C16orf54: variants seen among roughly 807,000 people sequenced by gnomAD.
The protein encoded by C16orf54 is chromosome 16 open reading frame 54, also known as transmembrane protein C16orf54.
Under a neutral mutation model 3.9 loss-of-function variants are expected in C16orf54, and 2 were observed. The ratio of observed to expected loss-of-function variants is 0.52; its 90% confidence interval spans 0.21 to 1.63. The LOEUF (loss-of-function observed/expected upper bound fraction) is 1.63. Ranked by LOEUF, C16orf54 falls within the 40% of genes most tolerant of loss-of-function variation. The pLI is 0.21. For synonymous variants in C16orf54, 128 were observed against 135.1 expected, an observed-to-expected ratio of 0.95 and a Z score of 0.37; for missense variants, 272 against 326.3, an observed-to-expected ratio of 0.83 and a Z score of 1.28.
At chr16:29,745,190 G>A (rs1353085978) in intron 1 of C16orf54, 1 of 408,572 alleles carries the variant, frequency 2.4e-6, no homozygotes, top group East Asian at 3.7e-5. Context: ...AAACTAGCTG[G>A]GTGTGGTGGC....
Position 29,744,977 on chromosome 16 carries a change from G to A in C16orf54, c.1-26C>T. On this transcript the variant is annotated intron_variant, in intron 1 of 1. Coordinates refer to ENST00000329410, the MANE Select transcript of C16orf54 (RefSeq NM_175900.4). The surrounding 1 kb of genome is among the most constrained non-coding windows in gnomAD (Gnocchi z 7.1). ...CTGAGAGACACAGGGGTGAGAAGAGGAAGTAAATGAGGCAGAGGGGGCACA... is the reference window on the plus strand; with the variant it reads ...CTGAGAGACACAGGGGTGAGAAGAGAAAGTAAATGAGGCAGAGGGGGCACA... The A allele has an allele frequency of 7.1e-7, 1 of 1,401,954 alleles. No individual in the cohort carries two copies. The highest frequency in any genetic ancestry group is 1.7e-5 in the South Asian group (1 of 58,848). The allele number at this position is 1,401,954 out of a possible 1,614,324, so 86.8% of individuals were successfully genotyped here.
chr16:29,745,080 C>A, intron 1 of C16orf54, 129 bp from the exon 2 acceptor site: 1 of 1,066,838 alleles, frequency 9.4e-7, no homozygotes, highest in South Asian at 3.0e-5. Context: ...TGCCTGGAAT[C>A]CCAGCACTTT....
Position 29,744,931 on chromosome 16 carries a change from C to A in C16orf54, c.21G>T (p.Pro7=). The change falls in exon 2 of 2, where the codon CCG becomes CCT. Residue 7 remains proline (P), a synonymous_variant. Transcript: ENST00000329410. The surrounding 1 kb of genome is among the most constrained non-coding windows in gnomAD (Gnocchi z 7.1). MPLTPE[P]PSGRVEGPPA... ...GGGGCCCCTCCACGCGCCCAGAGGGCGGCTCTGGAGTCAACGGCATCTGAG... is the reference window on the plus strand; with the variant it reads ...GGGGCCCCTCCACGCGCCCAGAGGGAGGCTCTGGAGTCAACGGCATCTGAG... 1.4e-6 allele frequency: 2 copies of A among 1,462,410 alleles called. No homozygotes were observed. The highest frequency in any genetic ancestry group is 1.8e-6 in the Non-Finnish European group (2 of 1,109,976). 90.6% of individuals were successfully genotyped at this position (1,462,410 alleles called of 1,614,324 possible).
chr16:29,745,259 G>T, intron 1 of C16orf54: 1 of 328,138 alleles, frequency 3.0e-6, no homozygotes, highest in Non-Finnish European at 5.5e-6. Context: ...TTGAGCCCAG[G>T]AGTTTGAAGC....
In C16orf54 at chr16:29,744,305, C is replaced by T. The variant is rs775549533; in HGVS notation, c.647G>A (p.Arg216His). Residue 216 changes from arginine (R) to histidine (H), a missense_variant, in exon 2 of 2, where the codon CGT becomes CAT. Arg to His is a conservative substitution (Grantham distance 29). Coordinates refer to ENST00000329410, the MANE Select transcript of C16orf54 (RefSeq NM_175900.4). This position sits in a 1 kb window ranked among gnomAD's most constrained non-coding sequence, Gnocchi z 7.1. ...TLEQISAFWK[R>H]EGRTSVGF ...GAACCCCACACTGGTCCGGCCTTCA[C>T]GCTTCCAGAAAGCTGAGATCTGCTC... 34 of 1,612,878 alleles carry T rather than the reference C, an allele frequency of 2.1e-5. No individual in the cohort carries two copies. Among genetic ancestry groups the T allele is most frequent in the East Asian group, 4.5e-5 (2 of 44,894 alleles).
Position 29,744,307 on chromosome 16 carries a change from C to T in C16orf54, c.645G>A (p.Lys215=). 6.2e-7 allele frequency: 1 copy of T among 1,613,054 alleles called. No individual in the cohort carries two copies. The highest frequency in any genetic ancestry group is 2.2e-5 in the East Asian group (1 of 44,886). ...ACCCCACACTGGTCCGGCCTTCACG[C>T]TTCCAGAAAGCTGAGATCTGCTCCA... The part of the protein sequence containing the change: ...VTLEQISAFW[K]REGRTSVGF Residue 215 remains lysine, a synonymous_variant, in exon 2 of 2, where the codon AAG becomes AAA. Transcript: ENST00000329410. The surrounding 1 kb of genome is among the most constrained non-coding windows in gnomAD (Gnocchi z 7.1).
At chr16:29,745,748 C>T (rs530298512) in intron 1 of C16orf54, among the ~76,000 whole-genome samples, 163 bp downstream of exon 1, 54 of 151,922 alleles carry the variant, frequency 3.6e-4, no homozygotes, top group Non-Finnish European at 6.8e-4. Context: ...AATCTGCTGC[C>T]GGGCCGGGCC....
At position 29,744,202 on chromosome 16, in the gene C16orf54, T is replaced by C; in HGVS notation, c.*75A>G. 1 of 1,325,432 alleles carries C rather than the reference T, an allele frequency of 7.5e-7. No homozygotes were observed. Among genetic ancestry groups the C allele is most frequent in the Admixed American group, 2.0e-5 (1 of 48,848 alleles). The allele number at this position is 1,325,432 out of a possible 1,614,324, so 82.1% of individuals were successfully genotyped here. Reference sequence around the variant, plus strand: ...ATCTTCGCTGGGGCAGTCTCAATCCTAATGCTGGATCCTGGGGTCCCCGGT... The same window carrying C: ...ATCTTCGCTGGGGCAGTCTCAATCCCAATGCTGGATCCTGGGGTCCCCGGT... On this transcript the variant is annotated 3_prime_UTR_variant, in exon 2 of 2. Coordinates refer to ENST00000329410, the MANE Select transcript of C16orf54 (RefSeq NM_175900.4). The surrounding 1 kb of genome is among the most constrained non-coding windows in gnomAD (Gnocchi z 7.1).
Position 29,743,881 on chromosome 16 carries a change from C to T in C16orf54, c.*396G>A, listed in dbSNP as rs1007833355. 2.3e-5 allele frequency: 5 copies of T among 221,716 alleles called. No individual in the cohort carries two copies. Among genetic ancestry groups the T allele is most frequent in the South Asian group, 1.2e-4 (2 of 16,038 alleles). The allele number at this position is 221,716 out of a possible 1,614,324, so 13.7% of individuals were successfully genotyped here. A position where few individuals can be genotyped will look rare whatever the true frequency, so the allele number is the denominator to read the frequency against. Reference sequence around the variant, plus strand: ...CTCCTGCCAGCTGTCATCGCCACACCGAGGCTGTTCAGCACCGCAGGACCC... The same window carrying T: ...CTCCTGCCAGCTGTCATCGCCACACTGAGGCTGTTCAGCACCGCAGGACCC... On this transcript the variant is annotated 3_prime_UTR_variant, in exon 2 of 2. Coordinates refer to ENST00000329410, the MANE Select transcript of C16orf54 (RefSeq NM_175900.4).
chr16:29,745,321 G>C (rs1341351067), intron 1 of C16orf54: 6 of 221,484 alleles, frequency 2.7e-5, no homozygotes, highest in Admixed American at 1.2e-4. Context: ...AATAGAGCAA[G>C]ACCCTTTCTC....
At chr16:29,745,051 G>T in intron 1 of C16orf54, 100 bp from the exon 2 acceptor site, 1 of 1,231,726 alleles carries the variant, frequency 8.1e-7, no homozygotes, top group Non-Finnish European at 1.0e-6. Flanking sequence ...CTGGGAGAAG[G>T]GCTGGGCATG....
Position 29,744,119 on chromosome 16 carries a change from C to T in C16orf54, c.*158G>A, listed in dbSNP as rs1207042997. 2 of 718,302 alleles carry T rather than the reference C, an allele frequency of 2.8e-6. No homozygotes were observed. Among genetic ancestry groups the T allele is most frequent in the Admixed American group, 2.8e-5 (1 of 35,888 alleles). 44.5% of individuals were successfully genotyped at this position (718,302 alleles called of 1,614,324 possible). A position where few individuals can be genotyped will look rare whatever the true frequency, so the allele number is the denominator to read the frequency against. On this transcript the variant is annotated 3_prime_UTR_variant, in exon 2 of 2. Coordinates refer to ENST00000329410, the MANE Select transcript of C16orf54 (RefSeq NM_175900.4). This position sits in a 1 kb window ranked among gnomAD's most constrained non-coding sequence, Gnocchi z 7.1. ...CTGGGCTTCCCCTAGTCCACATAGC[C>T]TGGCCACCACCCAGACCCGGGGAGG...
Position 29,743,235 on chromosome 16 carries a change from T to C in C16orf54, c.*1042A>G, listed in dbSNP as rs1441702381. 1.0e-5 allele frequency: 1 copy of C among 99,704 alleles called. No individual in the cohort carries two copies. Among genetic ancestry groups the C allele is most frequent in the Non-Finnish European group, 1.8e-5 (1 of 55,070 alleles). 6.2% of individuals were successfully genotyped at this position (99,704 alleles called of 1,614,324 possible). ...CTGCACTCCAGTCTGGGTGACAGAGTTGAGATTCTGTCTCAAAAAAAAAAA... is the reference window on the plus strand; with the variant it reads ...CTGCACTCCAGTCTGGGTGACAGAGCTGAGATTCTGTCTCAAAAAAAAAAA... On this transcript the variant is annotated 3_prime_UTR_variant, in exon 2 of 2. Coordinates refer to ENST00000329410, the MANE Select transcript of C16orf54 (RefSeq NM_175900.4).
In C16orf54 at chr16:29,744,147, G is replaced by T; in HGVS notation, c.*130C>A. On this transcript the variant is annotated 3_prime_UTR_variant, in exon 2 of 2. Transcript: ENST00000329410. The surrounding 1 kb of genome is among the most constrained non-coding windows in gnomAD (Gnocchi z 7.1). ...GCCACCACCCAGACCCGGGGAGGGG[G>T]ACTCCAGGTGGAAGGAGCCTGGGAA... 2 of 852,276 alleles carry T rather than the reference G, an allele frequency of 2.3e-6. No homozygotes were observed. The highest frequency in any genetic ancestry group is 3.8e-6 in the Non-Finnish European group (2 of 531,400). The allele number at this position is 852,276 out of a possible 1,614,324, so 52.8% of individuals were successfully genotyped here.
In C16orf54 at chr16:29,742,519, C is replaced by G. The variant is rs1319070963; in HGVS notation, c.*1758G>C. ...TACCTTCTATTGATGGCAAATGAGA[C>G]TGGTTTTCCATTTACAGAAGTGATA... On this transcript the variant is annotated 3_prime_UTR_variant, in exon 2 of 2. Coordinates refer to ENST00000329410, the MANE Select transcript of C16orf54 (RefSeq NM_175900.4). The G allele has an allele frequency of 6.6e-6, 1 of 152,190 alleles. No individual in the cohort carries two copies. Among genetic ancestry groups the G allele is most frequent in the Non-Finnish European group, 1.5e-5 (1 of 68,040 alleles). The allele number at this position is 152,190 out of a possible 1,614,324, so 9.4% of individuals were successfully genotyped here.
chr16:29,743,918 T>G lies in C16orf54; in HGVS notation c.*359A>C. 2 of 307,668 alleles carry G rather than the reference T, an allele frequency of 6.5e-6. No homozygotes were observed. The highest frequency in any genetic ancestry group is 1.2e-5 in the Non-Finnish European group (2 of 163,686). The allele number at this position is 307,668 out of a possible 1,614,324, so 19.1% of individuals were successfully genotyped here. Reference sequence around the variant, plus strand: ...GCACCGCAGGACCCGTTCTCTTTGGTATTGGTGGCTTCGGTAAACACTGAA... The same window carrying G: ...GCACCGCAGGACCCGTTCTCTTTGGGATTGGTGGCTTCGGTAAACACTGAA... On this transcript the variant is annotated 3_prime_UTR_variant, in exon 2 of 2. Coordinates refer to ENST00000329410, the MANE Select transcript of C16orf54 (RefSeq NM_175900.4).
rs572791685 is a variant in C16orf54, at chr16:29,742,470, T to G, written c.*1807A>C. On this transcript the variant is annotated 3_prime_UTR_variant, in exon 2 of 2. Transcript: ENST00000329410. ...GAATTTAGATCTTAACAATTTTGTT[T>G]ACATTGTATTTATTTTCATGTTTTA... 6.6e-6 allele frequency: 1 copy of G among 152,378 alleles called. No homozygotes were observed. The highest frequency in any genetic ancestry group is 6.5e-5 in the Admixed American group (1 of 15,300). The allele number at this position is 152,378 out of a possible 1,614,324, so 9.4% of individuals were successfully genotyped here.
rs1188363969 is a variant in C16orf54 at position 29,744,313 on chromosome 16, GA to G, written c.638del (p.Phe213SerfsTer38). On this transcript the variant is annotated frameshift_variant, in exon 2 of 2. Transcript: ENST00000329410. LOFTEE classifies it high-confidence loss of function. The surrounding 1 kb of genome is among the most constrained non-coding windows in gnomAD (Gnocchi z 7.1). ...PRVTLEQISA[F>X]WKREGRTSVG... ...CACTGGTCCGGCCTTCACGCTTCCA[GA>G]AAGCTGAGATCTGCTCCAAGGTGAC... The G allele has an allele frequency of 1.2e-6, 2 of 1,612,954 alleles. No individual in the cohort carries two copies. Among genetic ancestry groups the G allele is most frequent in the African/African-American group, 2.7e-5 (2 of 74,946 alleles).
At position 29,744,018 on chromosome 16, in the gene C16orf54, T is replaced by G; in HGVS notation, c.*259A>C. 1.8e-6 allele frequency: 1 copy of G among 563,258 alleles called. No homozygotes were observed. The highest frequency in any genetic ancestry group is 3.1e-6 in the Non-Finnish European group (1 of 320,252). 34.9% of individuals were successfully genotyped at this position (563,258 alleles called of 1,614,324 possible). ...TGGGTTCTTCATCTGGATGCGATCTTGAAGGCTTCTGGCCTGGCATTGGCT... is the reference window on the plus strand; with the variant it reads ...TGGGTTCTTCATCTGGATGCGATCTGGAAGGCTTCTGGCCTGGCATTGGCT... On this transcript the variant is annotated 3_prime_UTR_variant, in exon 2 of 2. Transcript: ENST00000329410. The surrounding 1 kb of genome is among the most constrained non-coding windows in gnomAD (Gnocchi z 7.1).
Sources: gnomAD v4.1 joint callset for allele counts (sites outside exome capture counted in the v4.1 genomes callset) on GRCh38, gnomAD v4.1.1 for gene constraint, Gnocchi (gnomAD v3.1) non-coding constraint, MANE v1.5 for transcripts, NCBI Gene and HGNC (gene_info 2026-07-23, HGNC 2026-07-21) for gene names.